The following TOLLIP variants were observed in gnomAD, a reference collection of about 807,000 sequenced individuals.
TOLLIP encodes toll-interacting protein.
TOLLIP carries 16 observed loss-of-function variants against 33.5 expected under a neutral mutation model. The ratio of observed to expected loss-of-function variants is 0.48; its 90% CI spans 0.32 to 0.72. The LOEUF (loss-of-function observed/expected upper bound fraction) is 0.72. TOLLIP is among the 30% of genes least tolerant of loss of function. TOLLIP has a pLI of 0.03. For missense variants in TOLLIP, 325 were observed against 396.6 expected (o/e 0.82, Z 1.53); for synonymous variants, 176 against 163.7 (o/e 1.07, Z -0.57).
intron 1 of TOLLIP, among the ~76,000 whole-genome samples, chr11:1,308,613 G>C (rs1590234712): frequency 6.6e-6 from 1 of 152,240 alleles, no homozygotes; most frequent in Non-Finnish European, 1.5e-5. Context: ...TGCTATAGAA[G>C]AAACTGCCAG....
At chr11:1,297,705 C>T (rs1028734925) in intron 1 of TOLLIP, among the ~76,000 whole-genome samples, 4 of 152,252 alleles carry the variant, frequency 2.6e-5, no homozygotes, top group South Asian at 2.1e-4. Flanking sequence ...GGCCAGGGCC[C>T]GGAGGGACCC....
intron 5 of TOLLIP, among the ~76,000 whole-genome samples, chr11:1,279,304 G>C (rs1407925377): frequency 6.6e-6 from 1 of 152,240 alleles, no homozygotes; most frequent in Non-Finnish European, 1.5e-5. Flanking sequence ...CTGAGGGGCA[G>C]TGGCCTGGCT....
chr11:1,308,909 C>T (rs1864500605), intron 1 of TOLLIP, among the ~76,000 whole-genome samples: 1 of 151,756 alleles, frequency 6.6e-6, no homozygotes, highest in Non-Finnish European at 1.5e-5. Flanking sequence ...GCGGGGCCCG[C>T]CTCCATCTAG....
At chr11:1,304,022 C>G (rs372408628) in intron 1 of TOLLIP, among the ~76,000 whole-genome samples, 1 of 139,850 alleles carries the variant, frequency 7.2e-6, no homozygotes, top group South Asian at 2.2e-4. Flanking sequence ...GGCTACAGAG[C>G]GAGCCTCCAT....
In TOLLIP at chr11:1,276,284, C is replaced by T. The variant is rs555117751; in HGVS notation, c.*755G>A. 8 of 201,448 alleles carry T rather than the reference C, an allele frequency of 4.0e-5. No individual in the cohort carries two copies. The highest frequency in any genetic ancestry group is 7.2e-5 in the Non-Finnish European group (7 of 97,752). 12.5% of individuals were successfully genotyped at this position (201,448 alleles called of 1,614,324 possible). A position where few individuals can be genotyped will look rare whatever the true frequency, so the allele number is the denominator to read the frequency against. On this transcript the variant is annotated 3_prime_UTR_variant, in exon 6 of 6. Transcript: ENST00000317204. ...AGGACACCCACGGAGCTGGCACGAG[C>T]GCAGCAGGAGAGACGGACGGCAGCC...
chr11:1,300,104 C>T (rs74046285), intron 1 of TOLLIP, among the ~76,000 whole-genome samples: 2,720 of 152,296 alleles, frequency 0.018, 59 homozygotes, highest in African/African-American at 0.062. Flanking sequence ...TTTTTAAAAA[C>T]ATTCGTGAAT....
chr11:1,282,080 C>T (rs1420919154), intron 5 of TOLLIP, among the ~76,000 whole-genome samples: 1 of 152,230 alleles, frequency 6.6e-6, no homozygotes, highest in Non-Finnish European at 1.5e-5. Context: ...TTAAAAAATA[C>T]TTCAAAGGCT....
chr11:1,279,511 G>A (rs746113571), intron 5 of TOLLIP, among the ~76,000 whole-genome samples: 2 of 152,236 alleles, frequency 1.3e-5, no homozygotes, highest in Non-Finnish European at 2.9e-5. Context: ...TGTGGGCAGA[G>A]AGGACGCCAT....
chr11:1,292,378 G>A (rs1485993653), intron 2 of TOLLIP, among the ~76,000 whole-genome samples: 1 of 152,214 alleles, frequency 6.6e-6, no homozygotes, highest in African/African-American at 2.4e-5. Context: ...TTTGAGCAAA[G>A]CCAGCTTTCT....
chr11:1,275,404 G>A lies in TOLLIP; in HGVS notation c.*1635C>T, dbSNP rs184604196. The A allele has an allele frequency of 2.0e-4, 30 of 152,344 alleles. No individual in the cohort carries two copies. Among genetic ancestry groups the A allele is most frequent in the African/African-American group, 6.7e-4 (28 of 41,552 alleles). 9.4% of individuals were successfully genotyped at this position (152,344 alleles called of 1,614,324 possible). A position where few individuals can be genotyped will look rare whatever the true frequency, so the allele number is the denominator to read the frequency against. On this transcript the variant is annotated 3_prime_UTR_variant, in exon 6 of 6. Transcript: ENST00000317204. ...TTAATATCACGGAACATACCATCTA[G>A]AACGTTCCAGTCCCGCCTGACACCT...
rs1444029764 is a variant in TOLLIP at position 1,295,701 on chromosome 11, G to A, written c.127C>T (p.Leu43=). Residue 43 remains leucine, a synonymous_variant, in exon 2 of 6, where the codon CTG becomes TTG. Coordinates refer to ENST00000317204, the MANE Select transcript of TOLLIP (RefSeq NM_019009.4). ...GTGCCCACTGCGCCTCCGTACTGCAGCTGCTGGGCCGCCTGGGCGTCCAGC... is the reference window on the plus strand; with the variant it reads ...GTGCCCACTGCGCCTCCGTACTGCAACTGCTGGGCCGCCTGGGCGTCCAGC... The part of the protein sequence containing the change: ...VQLDAQAAQQ[L]QYGGAVGTVG... The A allele has an allele frequency of 6.2e-7, 1 of 1,611,798 alleles. No individual in the cohort carries two copies. The highest frequency in any genetic ancestry group is 8.5e-7 in the Non-Finnish European group (1 of 1,179,218).
chr11:1,295,509 A>G, intron 2 of TOLLIP, 136 bp downstream of exon 2: 1 of 1,160,144 alleles, frequency 8.6e-7, no homozygotes, highest in Non-Finnish European at 1.2e-6. Flanking sequence ...TCAACATCAC[A>G]CAGGTTTCAG....
intron 5 of TOLLIP, among the ~76,000 whole-genome samples, chr11:1,279,695 T>C (rs1863433891): frequency 6.6e-6 from 1 of 152,250 alleles, no homozygotes; most frequent in South Asian, 2.1e-4. Flanking sequence ...CGTGTGAATC[T>C]GCTGTCATAT....
In TOLLIP at chr11:1,289,887, G is replaced by A. The variant is rs371924457; in HGVS notation, c.366+340C>T. 8.1e-4 allele frequency among the ~76,000 whole-genome samples: 119 copies of A among 146,238 alleles called. 2 individuals carry two copies. In the South Asian group the frequency reaches 0.025, roughly 31 times the overall value. On this transcript the variant is annotated intron_variant, in intron 3 of 5. Coordinates refer to ENST00000317204, the MANE Select transcript of TOLLIP (RefSeq NM_019009.4). ...TGGTGAGCGGCCAGATCAGTGCCCA[G>A]CGGAGGGGACACGTGCACGCTCTGT...
intron 1 of TOLLIP, among the ~76,000 whole-genome samples, chr11:1,304,537 C>T (rs976381769): frequency 5.3e-5 from 8 of 152,362 alleles, no homozygotes; most frequent in Middle Eastern, 6.8e-3. Flanking sequence ...GCAGCACCCG[C>T]GCCAGGACGG....
chr11:1,279,169 C>T lies in TOLLIP; in HGVS notation c.611-1916G>A, dbSNP rs1217144446. Among the ~76,000 whole-genome samples the T allele has an allele frequency of 4.6e-5, 7 of 152,248 alleles. No homozygotes were observed. The East Asian group carries it at 1.3e-3, about 29-fold the overall frequency. On this transcript the variant is annotated intron_variant, in intron 5 of 5. Transcript: ENST00000317204. Reference sequence around the variant, plus strand: ...CCTGGGGTGTCCCGAGAAACCTGCTCTGCTGACAATGAGGGGATGTGGCGC... The same window carrying T: ...CCTGGGGTGTCCCGAGAAACCTGCTTTGCTGACAATGAGGGGATGTGGCGC...
Position 1,276,539 on chromosome 11 carries a change from G to T in TOLLIP, c.*500C>A. On this transcript the variant is annotated 3_prime_UTR_variant, in exon 6 of 6. Transcript: ENST00000317204. ...TCACCAGACCCAAGCCCTGGGCAGGGGCCAGGCTCACAGCAAAGCGCGTTA... is the reference window on the plus strand; with the variant it reads ...TCACCAGACCCAAGCCCTGGGCAGGTGCCAGGCTCACAGCAAAGCGCGTTA... 2 of 630,626 alleles carry T rather than the reference G, an allele frequency of 3.2e-6. No individual in the cohort carries two copies. Among genetic ancestry groups the T allele is most frequent in the Non-Finnish European group, 4.8e-6 (2 of 416,914 alleles). 39.1% of individuals were successfully genotyped at this position (630,626 alleles called of 1,614,324 possible). A position where few individuals can be genotyped will look rare whatever the true frequency, so the allele number is the denominator to read the frequency against.
chr11:1,302,129 T>C (rs1864297796), intron 1 of TOLLIP, among the ~76,000 whole-genome samples: 1 of 152,208 alleles, frequency 6.6e-6, no homozygotes, highest in Non-Finnish European at 1.5e-5. Flanking sequence ...TGCTGCTAGG[T>C]TCACACCCAG....
intron 5 of TOLLIP, chr11:1,283,514 G>A (rs1320362803): frequency 2.2e-6 from 1 of 456,018 alleles, no homozygotes; most frequent in Admixed American, 2.4e-5. Flanking sequence ...AGGTGGACGA[G>A]TCCTCACAGG....
Sources: gnomAD v4.1 joint callset for allele counts (sites outside exome capture counted in the v4.1 genomes callset) on GRCh38, gnomAD v4.1.1 for gene constraint, MANE v1.5 for transcripts, NCBI Gene and HGNC (gene_info 2026-07-23, HGNC 2026-07-21) for gene names.